The following TMEM41B variants were observed in gnomAD, a reference collection of about 807,000 sequenced individuals.
TMEM41B encodes transmembrane protein 41B, also known as protein stasimon.
A neutral mutation model predicts 31.9 loss-of-function variants in TMEM41B; 18 were observed. That is an observed-to-expected ratio of 0.56 (90% CI 0.39 to 0.84). The LOEUF (loss-of-function observed/expected upper bound fraction) is 0.84, where lower values mean the gene tolerates loss of function less well. Among genes scored for constraint, TMEM41B ranks in the 40% least tolerant of loss-of-function variants. The pLI is 0.00. For missense variants in TMEM41B, 322 were observed against 348.0 expected (o/e 0.93, Z 0.59); for synonymous variants, 144 against 124.3 (o/e 1.16, Z -1.05).
intron 2 of TMEM41B, among the ~76,000 whole-genome samples, chr11:9,298,275 A>G (rs1265043758): frequency 1.3e-5 from 2 of 151,014 alleles, no homozygotes; most frequent in Non-Finnish European, 2.9e-5. Flanking sequence ...CTTGGCCAAC[A>G]TGGCAAAACC....
chr11:9,299,918 G>A (rs529535712), intron 1 of TMEM41B, among the ~76,000 whole-genome samples: 3 of 152,182 alleles, frequency 2.0e-5, no homozygotes, highest in African/African-American at 7.2e-5. Context: ...TTGGGAGTTC[G>A]AGACCAACCT....
intron 2 of TMEM41B, among the ~76,000 whole-genome samples, chr11:9,297,163 C>A (rs941576873): frequency 6.6e-6 from 1 of 152,160 alleles, no homozygotes; most frequent in Non-Finnish European, 1.5e-5. Context: ...CGGCCCACTG[C>A]AAGCTCCGCC....
chr11:9,292,510 A>T (rs1852982051), intron 3 of TMEM41B, among the ~76,000 whole-genome samples: 1 of 152,150 alleles, frequency 6.6e-6, no homozygotes, highest in African/African-American at 2.4e-5. Flanking sequence ...TACTACTAAC[A>T]ATATGATGAC....
rs1356313360 is a variant in TMEM41B, at chr11:9,306,401, C to T, written c.122-6700G>A. Among the ~76,000 whole-genome samples, 5 of 151,964 alleles carry T rather than the reference C, an allele frequency of 3.3e-5. No individual in the cohort carries two copies. The East Asian group carries it at 7.8e-4, about 24-fold the overall frequency. ...GGTACTGTTATAGAAAGCCAGAATT[C>T]GCCGGGCATGGCGGCTCACGCCTGT... On this transcript the variant is annotated intron_variant, in intron 1 of 6. Transcript: ENST00000528080.
intron 3 of TMEM41B, among the ~76,000 whole-genome samples, chr11:9,294,488 CAAA>C (rs61211297): frequency 2.3e-5 from 2 of 88,386 alleles, no homozygotes; most frequent in Admixed American, 9.9e-5. Context: ...AACTCCATCT[CAAA>C]AAAAAAAAAA....
intron 1 of TMEM41B, among the ~76,000 whole-genome samples, chr11:9,305,959 C>T (rs1853380048): frequency 6.7e-6 from 1 of 149,222 alleles, no homozygotes; most frequent in Non-Finnish European, 1.5e-5. Flanking sequence ...GCATTTACAG[C>T]TACTTACACC....
chr11:9,309,877 C>T (rs7946475), intron 1 of TMEM41B, among the ~76,000 whole-genome samples: 30 of 148,424 alleles, frequency 2.0e-4, no homozygotes, highest in Non-Finnish European at 4.3e-4. Context: ...GAGCCAAGAT[C>T]GCACCACTGC....
chr11:9,311,266 C>G, intron 1 of TMEM41B: 3 of 1,504,864 alleles, frequency 2.0e-6, no homozygotes, highest in Non-Finnish European at 1.8e-6. Flanking sequence ...AGGGAAGGAC[C>G]CAGGGCCTGT....
intron 4 of TMEM41B, 29 bp from the exon 5 acceptor site, chr11:9,287,835 T>C (rs1267068112): frequency 6.5e-7 from 1 of 1,547,300 alleles, no homozygotes; most frequent in East Asian, 2.2e-5. Flanking sequence ...CATAAGCGTT[T>C]TGTATTTTTC....
chr11:9,286,353 G>A, intron 6 of TMEM41B, 102 bp downstream of exon 6: 1 of 1,206,484 alleles, frequency 8.3e-7, no homozygotes, highest in Middle Eastern at 2.1e-4. Context: ...TCTAGATGGT[G>A]CTGGCATAAT....
chr11:9,286,410 TA>T, intron 6 of TMEM41B, 44 bp downstream of exon 6: 2 of 1,569,052 alleles, frequency 1.3e-6, no homozygotes, highest in South Asian at 2.4e-5. Flanking sequence ...CACTGTTAGA[TA>T]TGTACACAGT....
intron 6 of TMEM41B, among the ~76,000 whole-genome samples, chr11:9,285,040 G>C (rs1016362480): frequency 1.3e-5 from 2 of 150,464 alleles, no homozygotes; most frequent in Non-Finnish European, 3.0e-5. Context: ...CCATGCTGAT[G>C]TAAGTTTGTC....
chr11:9,299,345 C>CACA (rs201083248), intron 2 of TMEM41B, among the ~76,000 whole-genome samples: 1 of 144,100 alleles, frequency 6.9e-6, no homozygotes, highest in Non-Finnish European at 1.5e-5. Context: ...CACACACACA[C>CACA]GTGTGTGTAT....
At chr11:9,306,661 G>T (rs1853405352) in intron 1 of TMEM41B, among the ~76,000 whole-genome samples, 1 of 152,032 alleles carries the variant, frequency 6.6e-6, no homozygotes, top group African/African-American at 2.4e-5. Flanking sequence ...ACTCTAGCCT[G>T]GGCGATAGAG....
chr11:9,301,836 C>T (rs1056058708), intron 1 of TMEM41B, among the ~76,000 whole-genome samples: 5 of 152,082 alleles, frequency 3.3e-5, no homozygotes, highest in African/African-American at 4.8e-5. Context: ...AGTGGTACGC[C>T]GAAGACATGT....
chr11:9,286,479 C>A lies in TMEM41B; in HGVS notation c.682G>T (p.Val228Phe). ...CCTAGAAAAGTACCAATAAAAAAAACTTTCAATGGCACGTTTATCACAGGA... is the reference window on the plus strand; with the variant it reads ...CCTAGAAAAGTACCAATAAAAAAAAATTTCAATGGCACGTTTATCACAGGA... ...TSPVINVPLK[V>F]FFIGTFLGVA... Residue 228 changes from valine (V) to phenylalanine (F), a missense_variant, in exon 6 of 7, where the codon GTT becomes TTT. By Grantham distance (50) the Val-to-Phe change is conservative. Coordinates refer to ENST00000528080, the MANE Select transcript of TMEM41B (RefSeq NM_015012.4). The A allele has an allele frequency of 6.2e-7, 1 of 1,610,958 alleles. No individual in the cohort carries two copies. The highest frequency in any genetic ancestry group is 8.5e-7 in the Non-Finnish European group (1 of 1,179,098).
rs141541861 is a variant in TMEM41B at position 9,311,661 on chromosome 11, C to T, written c.121+2660G>A. The T allele has an allele frequency of 4.0e-4, 332 of 826,382 alleles. 1 individual carries two copies. The African/African-American group carries it at 4.5e-3, about 11-fold the overall frequency. 51.2% of individuals were successfully genotyped at this position (826,382 alleles called of 1,614,324 possible). A position where few individuals can be genotyped will look rare whatever the true frequency, so the allele number is the denominator to read the frequency against. On this transcript the variant is annotated intron_variant, in intron 1 of 6. Transcript: ENST00000528080. ...AATGTTGGGTGGATATGGATTTGGC[C>T]CTGGCTGCCTGGCACTGGGATTCCA...
intron 3 of TMEM41B, chr11:9,295,025 G>GA: frequency 1.9e-6 from 1 of 522,076 alleles, no homozygotes; most frequent in Non-Finnish European, 2.7e-6. Flanking sequence ...TTTGGTAAGT[G>GA]AAAAAAGCAG....
chr11:9,293,058 A>G (rs577175311), intron 3 of TMEM41B, among the ~76,000 whole-genome samples: 6 of 152,156 alleles, frequency 3.9e-5, no homozygotes, highest in African/African-American at 1.4e-4. Context: ...CTACGCTAAG[A>G]AAAGTTTCAG....
Sources: allele counts gnomAD v4.1 joint callset (sites outside exome capture counted in the v4.1 genomes callset), GRCh38; gene constraint gnomAD v4.1.1; transcripts MANE v1.5; gene names NCBI Gene and HGNC (gene_info 2026-07-23, HGNC 2026-07-21).